The following HYAL4 variants were observed in gnomAD, a reference collection of about 807,000 sequenced individuals.
HYAL4 encodes the protein hyaluronidase-4.
HYAL4 carries 37 observed loss-of-function variants against 35.2 expected under a neutral mutation model. The ratio of observed to expected loss-of-function variants is 1.05; its 90% CI spans 0.81 to 1.38. The LOEUF is 1.38. Among genes scored for constraint, HYAL4 ranks in the 40% most tolerant of loss-of-function variants. The pLI, the probability that HYAL4 is intolerant of heterozygous loss-of-function variation, is 0.00. For missense variants in HYAL4, 572 were observed against 572.4 expected (o/e 1.00, Z 0.01); for synonymous variants, 198 against 203.2 (o/e 0.97, Z 0.22).
At chr7:123,806,879 G>A in the HYAL4 span, among the ~76,000 whole-genome samples, 1 of 152,150 alleles carries the variant, frequency 6.6e-6, no homozygotes, top group African/African-American at 2.4e-5. Flanking sequence ...CTTCAGGCTA[G>A]TGAAAAAGCT....
the HYAL4 span, among the ~76,000 whole-genome samples, chr7:123,778,479 T>G: frequency 9.2e-5 from 14 of 152,160 alleles, no homozygotes; most frequent in Non-Finnish European, 2.1e-4. Context: ...TTCCAGCCTT[T>G]TTTTTCCTCT....
At chr7:123,839,866 C>A (rs1279450365) in intron 1 of HYAL4, among the ~76,000 whole-genome samples, 1 of 151,780 alleles carries the variant, frequency 6.6e-6, no homozygotes, top group African/African-American at 2.4e-5. Flanking sequence ...TGTTTGAGTT[C>A]TTTGTAGATT....
chr7:123,836,576 A>T (rs895997733), intron 1 of HYAL4, among the ~76,000 whole-genome samples: 1 of 152,086 alleles, frequency 6.6e-6, no homozygotes, highest in Non-Finnish European at 1.5e-5. Flanking sequence ...GGCCATTTAC[A>T]TTCAACGTTA....
chr7:123,833,128 T>C (rs1805909923), intron 1 of HYAL4, among the ~76,000 whole-genome samples: 1 of 152,194 alleles, frequency 6.6e-6, no homozygotes, highest in African/African-American at 2.4e-5. Flanking sequence ...AAATGGTAGT[T>C]CTACTTTTAT....
At chr7:123,808,523 A>G in the HYAL4 span, among the ~76,000 whole-genome samples, 1 of 151,904 alleles carries the variant, frequency 6.6e-6, no homozygotes, top group Admixed American at 6.6e-5. Flanking sequence ...AATGTATGAA[A>G]AAAAGCATGG....
chr7:123,790,988 C>T, the HYAL4 span, among the ~76,000 whole-genome samples: 2 of 152,166 alleles, frequency 1.3e-5, no homozygotes, highest in Non-Finnish European at 2.9e-5. Flanking sequence ...TGGTCTTGAA[C>T]TCCTGACCTC....
chr7:123,873,648 G>A (rs1385630729), intron 3 of HYAL4, among the ~76,000 whole-genome samples: 2 of 152,176 alleles, frequency 1.3e-5, no homozygotes, highest in African/African-American at 4.8e-5. Flanking sequence ...AGAGTGGGGT[G>A]AGGGAATGTG....
the HYAL4 span, among the ~76,000 whole-genome samples, chr7:123,788,115 C>T: frequency 3.4e-4 from 52 of 152,192 alleles, no homozygotes; most frequent in African/African-American, 1.1e-3. Context: ...CCCTGGAGTT[C>T]GAGACTAGCC....
chr7:123,801,617 TG>T, the HYAL4 span, among the ~76,000 whole-genome samples: 1 of 152,320 alleles, frequency 6.6e-6, no homozygotes, highest in East Asian at 1.9e-4. Context: ...GGTAAGTAAA[TG>T]TATCTTATTT....
At chr7:123,834,212 A>G (rs1047132230) in intron 1 of HYAL4, among the ~76,000 whole-genome samples, 1 of 152,150 alleles carries the variant, frequency 6.6e-6, no homozygotes, top group Non-Finnish European at 1.5e-5. Context: ...ATACCCATCC[A>G]TGAGCATGGG....
At chr7:123,870,788 G>A (rs969771024) in intron 3 of HYAL4, among the ~76,000 whole-genome samples, 11 of 151,252 alleles carry the variant, frequency 7.3e-5, no homozygotes, top group African/African-American at 2.4e-4. Context: ...AGAAAGTTAC[G>A]TAAATCTTTA....
Position 123,873,026 on chromosome 7 carries a change from C to T in HYAL4, c.955-1735C>T, listed in dbSNP as rs140741122. ...AAAGGAGAGCTGTTAGGGATTTCTGCCCTGATCATACCATGTGACTATATG... is the reference window on the plus strand; with the variant it reads ...AAAGGAGAGCTGTTAGGGATTTCTGTCCTGATCATACCATGTGACTATATG... On this transcript the variant is annotated intron_variant, in intron 3 of 4. Transcript: ENST00000223026. 2.5e-3 allele frequency among the ~76,000 whole-genome samples: 379 copies of T among 152,248 alleles called. 3 individuals are homozygous for T. Among genetic ancestry groups the T allele is most frequent in the African/African-American group, 8.7e-3 (361 of 41,538 alleles).
At chr7:123,766,780 T>G in the HYAL4 span, among the ~76,000 whole-genome samples, 2 of 152,200 alleles carry the variant, frequency 1.3e-5, no homozygotes, top group African/African-American at 4.8e-5. Context: ...TTTTGTTTTC[T>G]GATGATAGTT....
chr7:123,819,606 T>A, the HYAL4 span, among the ~76,000 whole-genome samples: 1 of 152,046 alleles, frequency 6.6e-6, no homozygotes, highest in East Asian at 1.9e-4. Context: ...GCCATTGTGG[T>A]TAGTAGAAGG....
the HYAL4 span, among the ~76,000 whole-genome samples, chr7:123,783,925 GCTTT>G: frequency 6.6e-6 from 1 of 152,150 alleles, no homozygotes; most frequent in African/African-American, 2.4e-5. Context: ...ACATAAAATA[GCTTT>G]TGGTCACTCC....
At chr7:123,815,089 A>T in the HYAL4 span, 1 of 152,650 alleles carries the variant, frequency 6.6e-6, no homozygotes, top group Non-Finnish European at 1.5e-5. Flanking sequence ...TAGAATAACT[A>T]TATAAAGCCT....
chr7:123,789,824 ATG>A, the HYAL4 span, among the ~76,000 whole-genome samples: 1 of 151,898 alleles, frequency 6.6e-6, no homozygotes, highest in Non-Finnish European at 1.5e-5. Context: ...ATGTATGTGT[ATG>A]TGTGTGTGTG....
chr7:123,828,630 C>G (rs956224100), upstream of HYAL4, among the ~76,000 whole-genome samples: 1 of 152,106 alleles, frequency 6.6e-6, no homozygotes, highest in Non-Finnish European at 1.5e-5. Flanking sequence ...TCAATTTTAA[C>G]AAACCATCCC....
Position 123,869,129 on chromosome 7 carries a change from A to G in HYAL4, c.856A>G (p.Met286Val), listed in dbSNP as rs759813562. 2 of 1,614,204 alleles carry G rather than the reference A, an allele frequency of 1.2e-6. No individual in the cohort carries two copies. Among genetic ancestry groups the G allele is most frequent in the South Asian group, 1.1e-5 (1 of 91,082 alleles). ...CTCCAAATTTCGGGTGCATGAATCC[A>G]TGAGGATCTCCACCATGACATCTCA... ...RFSKFRVHES[M>V]RISTMTSHDY... Residue 286 changes from methionine (M) to valine (V), a missense_variant, in exon 3 of 5, where the codon ATG (methionine) becomes GTG (valine). Physicochemically the swap from Met to Val is conservative, Grantham distance 21. Transcript: ENST00000223026.
Sources: gnomAD v4.1 joint callset for allele counts (sites outside exome capture counted in the v4.1 genomes callset) on GRCh38, gnomAD v4.1.1 for gene constraint, MANE v1.5 for transcripts, NCBI Gene and HGNC (gene_info 2026-07-23, HGNC 2026-07-21) for gene names.